The following BACH2 variants were observed in gnomAD, a reference collection of about 807,000 sequenced individuals.
BACH2 encodes the protein transcription regulator protein BACH2.
In BACH2, 5 loss-of-function variants were observed where a neutral mutation model predicts 61.8. That is an observed-to-expected ratio of 0.08 (90% confidence interval 0.04 to 0.17). BACH2 has a LOEUF of 0.17. Among genes scored for constraint, BACH2 ranks in the 10% least tolerant of loss-of-function variants. BACH2 has a pLI of 1.00. For missense variants in BACH2, 824 were observed against 1,091.1 expected, an observed-to-expected ratio of 0.76 and a Z score of 3.45; for synonymous variants, 446 against 440.1, an observed-to-expected ratio of 1.01 and a Z score of -0.17.
chr6:89,981,547 T>C (rs1239055669), intron 6 of BACH2, among the ~76,000 whole-genome samples: 2 of 152,278 alleles, frequency 1.3e-5, no homozygotes, highest in African/African-American at 4.8e-5. Flanking sequence ...TTCCCTGAAT[T>C]GACAAGCATC....
chr6:90,005,207 G>A (rs1293649100), intron 6 of BACH2, among the ~76,000 whole-genome samples: 3 of 152,122 alleles, frequency 2.0e-5, no homozygotes, highest in Non-Finnish European at 4.4e-5. Context: ...GGGGAGTTGG[G>A]GGGAGGAGTG....
At position 89,932,572 on chromosome 6, in the gene BACH2, C is replaced by T. The variant is rs757652995; in HGVS notation, c.2362G>A (p.Glu788Lys). The T allele has an allele frequency of 6.1e-5, 98 of 1,613,980 alleles. 1 individual carries two copies. Among genetic ancestry groups the T allele is most frequent in the Non-Finnish European group, 7.3e-5 (86 of 1,180,026 alleles). The stretch of plus-strand genomic sequence containing the variant: ...AGTCTCCTCCCAGAGGTACAATTCT[C>T]GGAGGTGTTGCTGGGTGCCCAGGGG... Reference protein sequence around the residue: ...GPPWAPSNTSENCTSGRRLEG... With the variant: ...GPPWAPSNTSKNCTSGRRLEG... The change falls in exon 9 of 9, where the codon GAG becomes AAG. Residue 788 changes from glutamate (E) to lysine (K), a missense_variant. Physicochemically the swap from Glu to Lys is moderately conservative, Grantham distance 56. This residue lies in a region of BACH2 where 135 missense variants were observed against 142.7 expected (regional missense o/e 0.95). Transcript: ENST00000257749.
At chr6:90,071,236 T>C (rs1236349757) in intron 5 of BACH2, among the ~76,000 whole-genome samples, 1 of 152,252 alleles carries the variant, frequency 6.6e-6, no homozygotes, top group Non-Finnish European at 1.5e-5. Flanking sequence ...CTCTTCCTTC[T>C]GTGGGCATGA....
At chr6:90,122,684 G>T (rs2127820257) in intron 4 of BACH2, among the ~76,000 whole-genome samples, 1 of 152,218 alleles carries the variant, frequency 6.6e-6, no homozygotes, top group East Asian at 1.9e-4. Context: ...AAGAGCACAG[G>T]CAAGAAGTGT....
At chr6:90,065,180 G>A (rs1258169594) in intron 5 of BACH2, among the ~76,000 whole-genome samples, 1 of 150,044 alleles carries the variant, frequency 6.7e-6, no homozygotes, top group Non-Finnish European at 1.5e-5. Context: ...AGTCTGGACA[G>A]GTTGAATATG....
rs1373551905 is a variant in BACH2, at chr6:90,164,715, A to G, written c.-162+41854T>C. ...CAGCACATCAAAAAGCTTATCCACC[A>G]TGATCAAGTGGGCTTCATCCCTGGG... On this transcript the variant is annotated intron_variant, in intron 4 of 8. Coordinates refer to ENST00000257749, the MANE Select transcript of BACH2 (RefSeq NM_021813.4). 3.9e-5 allele frequency among the ~76,000 whole-genome samples: 6 copies of G among 152,318 alleles called. No individual in the cohort carries two copies. The South Asian group carries it at 1.0e-3, about 26-fold the overall frequency.
intron 4 of BACH2, among the ~76,000 whole-genome samples, chr6:90,101,333 G>A (rs1018699671): frequency 3.3e-5 from 5 of 152,176 alleles, no homozygotes; most frequent in Non-Finnish European, 7.3e-5. Flanking sequence ...TCACAAAAAT[G>A]TATCCCTATA....
intron 4 of BACH2, among the ~76,000 whole-genome samples, chr6:90,160,544 T>G (rs1047893985): frequency 6.6e-6 from 1 of 152,248 alleles, no homozygotes; most frequent in African/African-American, 2.4e-5. Flanking sequence ...TTATTTTTAC[T>G]AGCAGAGTAG....
intron 1 of BACH2, among the ~76,000 whole-genome samples, chr6:90,282,151 T>C (rs1582563772): frequency 6.6e-6 from 1 of 152,212 alleles, no homozygotes; most frequent in Non-Finnish European, 1.5e-5. Context: ...TCTTTGAATA[T>C]GTTTGTCCAT....
intron 6 of BACH2, among the ~76,000 whole-genome samples, chr6:89,970,616 C>T (rs1001104326): frequency 1.3e-5 from 2 of 152,150 alleles, no homozygotes; most frequent in African/African-American, 4.8e-5. Flanking sequence ...GGATACCAGG[C>T]ATGTTTCTTT....
chr6:90,238,357 T>C (rs1160740931), intron 3 of BACH2, among the ~76,000 whole-genome samples: 1 of 152,248 alleles, frequency 6.6e-6, no homozygotes, highest in Non-Finnish European at 1.5e-5. Context: ...TCATTAGATT[T>C]CATTTTTGGA....
At chr6:89,958,343 G>A (rs893868678) in intron 6 of BACH2, among the ~76,000 whole-genome samples, 2 of 152,108 alleles carry the variant, frequency 1.3e-5, no homozygotes, top group Non-Finnish European at 2.9e-5. Flanking sequence ...GCAAGGTCTG[G>A]GGACTCCACT....
At chr6:90,064,709 G>A (rs1056572854) in intron 5 of BACH2, among the ~76,000 whole-genome samples, 7 of 152,188 alleles carry the variant, frequency 4.6e-5, no homozygotes, top group African/African-American at 7.2e-5. Context: ...AAACGCTAAA[G>A]ATCCTTAATG....
At chr6:89,947,618 T>C (rs1230970140) in intron 7 of BACH2, among the ~76,000 whole-genome samples, 1 of 151,622 alleles carries the variant, frequency 6.6e-6, no homozygotes, top group Non-Finnish European at 1.5e-5. Flanking sequence ...CAGGCAGGAG[T>C]GCAGCGGCGC....
chr6:90,232,376 C>G (rs1459533888), intron 3 of BACH2, among the ~76,000 whole-genome samples: 16 of 152,120 alleles, frequency 1.1e-4, no homozygotes, highest in Admixed American at 1.0e-3. Flanking sequence ...CTTTAGCTGA[C>G]AAAGCATTGA....
At chr6:90,126,406 G>A (rs563507034) in intron 4 of BACH2, among the ~76,000 whole-genome samples, 3 of 152,232 alleles carry the variant, frequency 2.0e-5, no homozygotes, top group Admixed American at 6.5e-5. Context: ...GATACGGCAC[G>A]GGCAGAAGAG....
Position 89,951,092 on chromosome 6 carries a change from G to A in BACH2, c.1014C>T (p.Pro338=). 6.2e-7 allele frequency: 1 copy of A among 1,612,758 alleles called. No homozygotes were observed. The highest frequency in any genetic ancestry group is 8.5e-7 in the Non-Finnish European group (1 of 1,179,378). ...TGCTGAACAGAGACCTTAAGCAGGA[G>A]GGCGAGGCCACGCTCCTGGATCTCT... ...CLERSRSVAS[P]SCLRSLFSIT... is the part of the protein sequence containing the mutation. Residue 338 remains proline (P), a synonymous_variant, in exon 7 of 9, where the codon CCC becomes CCT. Coordinates refer to ENST00000257749, the MANE Select transcript of BACH2 (RefSeq NM_021813.4). The surrounding 1 kb of genome is among the most constrained non-coding windows in gnomAD (Gnocchi z 6.4).
At chr6:90,101,813 T>C (rs1782638713) in intron 4 of BACH2, among the ~76,000 whole-genome samples, 1 of 152,236 alleles carries the variant, frequency 6.6e-6, no homozygotes, top group African/African-American at 2.4e-5. Context: ...CATTTATTTA[T>C]GTTTCCTTAA....
intron 6 of BACH2, among the ~76,000 whole-genome samples, chr6:89,972,014 G>A (rs1775388663): frequency 6.6e-6 from 1 of 152,212 alleles, no homozygotes; most frequent in Non-Finnish European, 1.5e-5. Flanking sequence ...GGGAGGATTA[G>A]TTAGGTTTTG....
Sources: gnomAD v4.1 joint callset for allele counts (sites outside exome capture counted in the v4.1 genomes callset) on GRCh38, gnomAD v4.1.1 for gene constraint, gnomAD v4.1.1 regional missense constraint, Gnocchi (gnomAD v3.1) non-coding constraint, MANE v1.5 for transcripts, NCBI Gene and HGNC (gene_info 2026-07-23, HGNC 2026-07-21) for gene names.